The following KHDRBS2 variants were observed in gnomAD, a reference collection of about 807,000 sequenced individuals.
KHDRBS2 encodes KH domain-containing, RNA-binding, signal transduction-associated protein 2.
A neutral mutation model predicts 44.3 loss-of-function variants in KHDRBS2; 26 were observed. That is an observed-to-expected ratio of 0.59 (90% CI 0.43 to 0.81). The LOEUF (loss-of-function observed/expected upper bound fraction) is 0.81, where lower values mean the gene tolerates loss of function less well. KHDRBS2 is among the 40% of genes least tolerant of loss of function. The pLI is 0.00. For missense variants in KHDRBS2, 476 were observed against 433.1 expected (o/e 1.10, Z -0.88); for synonymous variants, 194 against 151.1 (o/e 1.28, Z -2.08).
intron 6 of KHDRBS2, among the ~76,000 whole-genome samples, chr6:61,750,500 T>C (rs1432252501): frequency 1.3e-5 from 2 of 152,154 alleles, no homozygotes; most frequent in East Asian, 3.9e-4. Flanking sequence ...TTATATTTAC[T>C]GCATTATGTC....
chr6:61,936,397 G>A (rs1412415544), intron 4 of KHDRBS2, among the ~76,000 whole-genome samples: 2 of 151,924 alleles, frequency 1.3e-5, no homozygotes, highest in African/African-American at 2.4e-5. Flanking sequence ...CTCCTGAATA[G>A]GCTTGTACTT....
Position 62,256,126 on chromosome 6 carries a change from C to T in KHDRBS2, c.91+29732G>A, listed in dbSNP as rs563253888. On this transcript the variant is annotated intron_variant, in intron 1 of 8. Transcript: ENST00000281156. Reference sequence around the variant, plus strand: ...CTCCAACCTAGGGGACAGAGTGAGACTCCAACTCCGAAAGAAAAAAAAACC... The same window carrying T: ...CTCCAACCTAGGGGACAGAGTGAGATTCCAACTCCGAAAGAAAAAAAAACC... Among the ~76,000 whole-genome samples, 316 of 147,724 alleles carry T rather than the reference C, an allele frequency of 2.1e-3. 1 individual carries two copies. Among genetic ancestry groups the T allele is most frequent in the African/African-American group, 7.2e-3 (298 of 41,294 alleles).
chr6:61,735,901 C>T (rs1341229882), intron 6 of KHDRBS2, among the ~76,000 whole-genome samples: 2 of 151,892 alleles, frequency 1.3e-5, no homozygotes, highest in Non-Finnish European at 2.9e-5. Flanking sequence ...TTACATGTGA[C>T]CTAGATTTGT....
At chr6:61,846,428 T>A (rs1024106682) in intron 6 of KHDRBS2, among the ~76,000 whole-genome samples, 1 of 152,216 alleles carries the variant, frequency 6.6e-6, no homozygotes, top group African/African-American at 2.4e-5. Flanking sequence ...GTTTCATTCA[T>A]GTATTACTAC....
At chr6:61,993,362 C>A (rs1338558474) in intron 3 of KHDRBS2, among the ~76,000 whole-genome samples, 1 of 151,738 alleles carries the variant, frequency 6.6e-6, no homozygotes, top group Admixed American at 6.6e-5. Context: ...TACTCCAGGG[C>A]AGCAAGCATA....
chr6:61,705,052 T>C (rs935840041), intron 7 of KHDRBS2, among the ~76,000 whole-genome samples: 15 of 151,878 alleles, frequency 9.9e-5, no homozygotes, highest in African/African-American at 2.7e-4. Flanking sequence ...TGGGCTAACT[T>C]CACTCATCAA....
intron 1 of KHDRBS2, among the ~76,000 whole-genome samples, chr6:62,258,282 T>C (rs1306374441): frequency 2.0e-5 from 3 of 152,012 alleles, no homozygotes; most frequent in South Asian, 2.1e-4. Flanking sequence ...CACAGTGTCA[T>C]AGATAGACTG....
chr6:62,205,921 C>A (rs1380630658), intron 1 of KHDRBS2, among the ~76,000 whole-genome samples: 1 of 151,958 alleles, frequency 6.6e-6, no homozygotes, highest in Non-Finnish European at 1.5e-5. Context: ...CTTGAGCATC[C>A]AAGAAGTATG....
rs1215069482 is a variant in KHDRBS2 at position 62,161,581 on chromosome 6, G to T, written c.219+15604C>A. Among the ~76,000 whole-genome samples the T allele has an allele frequency of 1.6e-5, 2 of 126,290 alleles. 1 individual carries two copies. The highest frequency in any genetic ancestry group is 3.3e-5 in the Non-Finnish European group (2 of 60,428). 82.9% of individuals were successfully genotyped at this position (126,290 alleles called of 152,430 possible). On this transcript the variant is annotated intron_variant, in intron 2 of 8. Coordinates refer to ENST00000281156, the MANE Select transcript of KHDRBS2 (RefSeq NM_152688.4). ...GAGAATTTTGGTATTTGCGGGGGGGGGGGGGGTCCCAGAACAAATCCTCTG... is the reference window on the plus strand; with the variant it reads ...GAGAATTTTGGTATTTGCGGGGGGGTGGGGGGTCCCAGAACAAATCCTCTG...
the KHDRBS2 span, among the ~76,000 whole-genome samples, chr6:61,671,000 A>G: frequency 6.6e-6 from 1 of 151,582 alleles, no homozygotes; most frequent in Non-Finnish European, 1.5e-5. Flanking sequence ...CCCATATGGT[A>G]TTGCGAAAAT....
chr6:61,774,259 A>T (rs1781539306), intron 6 of KHDRBS2, among the ~76,000 whole-genome samples: 1 of 152,174 alleles, frequency 6.6e-6, no homozygotes, highest in African/African-American at 2.4e-5. Context: ...CACGATATTG[A>T]TTCTTCCTAC....
intron 3 of KHDRBS2, among the ~76,000 whole-genome samples, chr6:61,983,452 G>C (rs746099638): frequency 5.9e-5 from 9 of 151,426 alleles, no homozygotes; most frequent in African/African-American, 1.2e-4. Flanking sequence ...TAGATTACAG[G>C]GTTTCTAGCC....
At chr6:61,694,659 T>A (rs1009582561) in intron 8 of KHDRBS2, among the ~76,000 whole-genome samples, 2 of 152,172 alleles carry the variant, frequency 1.3e-5, no homozygotes, top group Non-Finnish European at 2.9e-5. Flanking sequence ...ATCTTACACC[T>A]CAGCCTGGCT....
the KHDRBS2 span, among the ~76,000 whole-genome samples, chr6:61,564,689 G>A: frequency 6.6e-6 from 1 of 152,070 alleles, no homozygotes; most frequent in Non-Finnish European, 1.5e-5. Flanking sequence ...GGGAGGCTGT[G>A]GAGCTGGAGA....
At chr6:62,225,919 T>C (rs1831721405) in intron 1 of KHDRBS2, among the ~76,000 whole-genome samples, 2 of 152,246 alleles carry the variant, frequency 1.3e-5, no homozygotes, top group Admixed American at 6.5e-5. Context: ...TACAACACTT[T>C]CTTTATTCAG....
the KHDRBS2 span, among the ~76,000 whole-genome samples, chr6:61,636,811 T>A: frequency 1.3e-5 from 2 of 152,074 alleles, no homozygotes; most frequent in Non-Finnish European, 2.9e-5. Flanking sequence ...GTGTTAATCA[T>A]CTGTAGTAGA....
At chr6:61,627,990 G>A in the KHDRBS2 span, among the ~76,000 whole-genome samples, 1 of 152,068 alleles carries the variant, frequency 6.6e-6, no homozygotes, top group African/African-American at 2.4e-5. Context: ...TGTGGGGTCT[G>A]TGCCCTTAAC....
chr6:61,912,067 G>A (rs537122617), intron 4 of KHDRBS2, among the ~76,000 whole-genome samples: 5 of 152,178 alleles, frequency 3.3e-5, no homozygotes, highest in African/African-American at 1.2e-4. Context: ...CAAGCAAGAG[G>A]GAGAGAGAGC....
At chr6:61,597,649 A>G in the KHDRBS2 span, among the ~76,000 whole-genome samples, 118 of 148,054 alleles carry the variant, frequency 8.0e-4, no homozygotes, top group African/African-American at 2.8e-3. Flanking sequence ...GGGGGACAGA[A>G]GTAAATGAAA....
Sources: gnomAD v4.1 joint callset for allele counts (sites outside exome capture counted in the v4.1 genomes callset) on GRCh38, gnomAD v4.1.1 for gene constraint, MANE v1.5 for transcripts, NCBI Gene and HGNC (gene_info 2026-07-23, HGNC 2026-07-21) for gene names.